The following CDH20 variants were observed in gnomAD, a reference collection of about 807,000 sequenced individuals.
CDH20 encodes the protein cadherin-20.
A neutral mutation model predicts 74.2 loss-of-function variants in CDH20; 29 were observed. The observed-to-expected ratio is 0.39, with a 90% CI of 0.29 to 0.53. The LOEUF is 0.53. Among genes scored for constraint, CDH20 ranks in the 20% least tolerant of loss-of-function variants. The pLI is 0.69. For synonymous variants in CDH20, 469 were observed against 405.4 expected, an observed-to-expected ratio of 1.16 and a Z score of -1.88; for missense variants, 988 against 1,048.3, an observed-to-expected ratio of 0.94 and a Z score of 0.79.
intron 1 of CDH20, among the ~76,000 whole-genome samples, chr18:61,422,099 T>C (rs937665105): frequency 1.3e-5 from 2 of 152,198 alleles, no homozygotes; most frequent in Non-Finnish European, 2.9e-5. Context: ...TCAGGGACCT[T>C]AATGAGGATG....
chr18:61,483,264 A>C (rs1221476857), intron 1 of CDH20, among the ~76,000 whole-genome samples: 1 of 152,058 alleles, frequency 6.6e-6, no homozygotes, highest in East Asian at 1.9e-4. Context: ...TCCTCTTCCT[A>C]ACTATGTAGC....
intron 1 of CDH20, among the ~76,000 whole-genome samples, chr18:61,438,340 A>G (rs1421569676): frequency 6.7e-6 from 1 of 150,338 alleles, no homozygotes; most frequent in Non-Finnish European, 1.5e-5. Context: ...TAATTCAGAG[A>G]TGTAGAGGAG....
chr18:61,542,368 C>T (rs1913069929), intron 9 of CDH20, among the ~76,000 whole-genome samples: 1 of 152,184 alleles, frequency 6.6e-6, no homozygotes, highest in African/African-American at 2.4e-5. Context: ...AGGAGGCATA[C>T]CCTGAGATGG....
At chr18:61,377,917 C>G (rs1052041928) in intron 1 of CDH20, among the ~76,000 whole-genome samples, 3 of 152,080 alleles carry the variant, frequency 2.0e-5, no homozygotes, top group African/African-American at 7.2e-5. Flanking sequence ...TTATTTACTT[C>G]ACATTTTTGA....
chr18:61,519,922 G>A (rs1188078579), intron 6 of CDH20, among the ~76,000 whole-genome samples: 4 of 143,712 alleles, frequency 2.8e-5, no homozygotes, highest in Non-Finnish European at 3.0e-5. Context: ...AAGGGATGGA[G>A]GAATATTTAC....
chr18:61,401,838 A>G (rs1319222761), intron 1 of CDH20, among the ~76,000 whole-genome samples: 1 of 152,170 alleles, frequency 6.6e-6, no homozygotes, highest in Non-Finnish European at 1.5e-5. Flanking sequence ...TTTACAAGAG[A>G]CTCTCCTTCA....
At chr18:61,550,360 G>A in intron 11 of CDH20, 131 bp downstream of exon 11, 1 of 1,117,750 alleles carries the variant, frequency 8.9e-7, no homozygotes, top group African/African-American at 1.6e-5. Context: ...GTGGTAGAGT[G>A]AGGCTGCACA....
chr18:61,414,463 A>C (rs1912619759), intron 1 of CDH20, among the ~76,000 whole-genome samples: 1 of 152,170 alleles, frequency 6.6e-6, no homozygotes, highest in Non-Finnish European at 1.5e-5. Flanking sequence ...TAGTTTAATT[A>C]GATTTTTTAT....
intron 1 of CDH20, among the ~76,000 whole-genome samples, chr18:61,406,285 T>C (rs2144237401): frequency 6.6e-6 from 1 of 152,364 alleles, no homozygotes; most frequent in Non-Finnish European, 1.5e-5. Flanking sequence ...TGTTGAGACT[T>C]CCACAAGTTG....
At chr18:61,528,320 C>A in intron 7 of CDH20, 100 bp downstream of exon 7, 1 of 1,274,508 alleles carries the variant, frequency 7.8e-7, no homozygotes, top group East Asian at 2.3e-5. Context: ...TCTTCTCTAT[C>A]CCATTTCTGG....
chr18:61,368,889 G>A (rs1034797939), intron 1 of CDH20, among the ~76,000 whole-genome samples: 6 of 946 alleles, frequency 6.3e-3, no homozygotes, highest in South Asian at 0.024. Flanking sequence ...TTCCAAATAA[G>A]TTGGGGAGTT....
chr18:61,491,602 C>G lies in CDH20; in HGVS notation c.246+803C>G, dbSNP rs113509768. The stretch of plus-strand genomic sequence containing the variant: ...GGAACTTTGGACAGGTCACCAAGCC[C>G]TGCTCATCTCGGCTTCCTCAAATTC... On this transcript the variant is annotated intron_variant, in intron 2 of 11. Transcript: ENST00000262717. 3.5e-4 allele frequency among the ~76,000 whole-genome samples: 54 copies of G among 152,328 alleles called. 1 individual carries two copies. Among genetic ancestry groups the G allele is most frequent in the African/African-American group, 1.2e-3 (49 of 41,572 alleles).
At chr18:61,412,393 C>T (rs1912543216) in intron 1 of CDH20, among the ~76,000 whole-genome samples, 1 of 152,096 alleles carries the variant, frequency 6.6e-6, no homozygotes, top group South Asian at 2.1e-4. Flanking sequence ...TAAATTGGTA[C>T]AACCTTTTAA....
At chr18:61,459,878 GA>G (rs1166811301) in intron 1 of CDH20, among the ~76,000 whole-genome samples, 2 of 152,140 alleles carry the variant, frequency 1.3e-5, no homozygotes, top group African/African-American at 4.8e-5. Context: ...AACTGAGAGT[GA>G]AAGGCTGTAA....
At chr18:61,472,685 A>T (rs1404160737) in intron 1 of CDH20, among the ~76,000 whole-genome samples, 2 of 152,224 alleles carry the variant, frequency 1.3e-5, no homozygotes, top group African/African-American at 4.8e-5. Context: ...TTCCTGTGGG[A>T]GCCAAACAAA....
chr18:61,547,924 T>C (rs1028804152), intron 10 of CDH20, among the ~76,000 whole-genome samples: 2 of 152,190 alleles, frequency 1.3e-5, no homozygotes, highest in Non-Finnish European at 2.9e-5. Flanking sequence ...TCAAGAAACA[T>C]ATATATCGTA....
At chr18:61,417,760 A>T (rs1414454231) in intron 1 of CDH20, among the ~76,000 whole-genome samples, 1 of 152,060 alleles carries the variant, frequency 6.6e-6, no homozygotes, top group Non-Finnish European at 1.5e-5. Flanking sequence ...TAGTGTGACT[A>T]TAGTCAACAA....
intron 1 of CDH20, among the ~76,000 whole-genome samples, chr18:61,438,816 A>G (rs1908925652): frequency 6.6e-6 from 1 of 152,176 alleles, no homozygotes; most frequent in Non-Finnish European, 1.5e-5. Context: ...TATGTTCATC[A>G]CAGCACCATT....
chr18:61,385,700 A>C (rs1911572917), intron 1 of CDH20, among the ~76,000 whole-genome samples: 1 of 152,178 alleles, frequency 6.6e-6, no homozygotes, highest in Non-Finnish European at 1.5e-5. Flanking sequence ...TGGGAGGTCA[A>C]GGTGGGCAGA....
Sources: allele counts gnomAD v4.1 joint callset (sites outside exome capture counted in the v4.1 genomes callset), GRCh38; gene constraint gnomAD v4.1.1; transcripts MANE v1.5; gene names NCBI Gene and HGNC (gene_info 2026-07-23, HGNC 2026-07-21).